The following SLC2A14 variants were observed in gnomAD, a reference collection of about 807,000 sequenced individuals.
SLC2A14 encodes solute carrier family 2 member 14, also known as solute carrier family 2, facilitated glucose transporter member 14.
In SLC2A14, 13 loss-of-function variants were observed where a neutral mutation model predicts 43.0. That is an observed-to-expected ratio of 0.30 (90% CI 0.20 to 0.48). The LOEUF (loss-of-function observed/expected upper bound fraction) is 0.48, where lower values mean the gene tolerates loss of function less well. Ranked by LOEUF, SLC2A14 falls within the 20% of genes least tolerant of loss-of-function variation. SLC2A14 has a pLI of 0.99. For synonymous variants in SLC2A14, 190 were observed against 233.8 expected (o/e 0.81, Z 1.71); for missense variants, 428 against 620.4 (o/e 0.69, Z 3.29).
intron 2 of SLC2A14, among the ~76,000 whole-genome samples, chr12:7,855,477 C>T (rs1867282843): frequency 6.6e-6 from 1 of 151,790 alleles, no homozygotes; most frequent in Non-Finnish European, 1.5e-5. Context: ...CCTTGCTCCC[C>T]AAATGGCTGT....
intron 1 of SLC2A14, among the ~76,000 whole-genome samples, chr12:7,882,096 G>A (rs1945587914): frequency 6.6e-6 from 1 of 152,030 alleles, no homozygotes; most frequent in Admixed American, 6.6e-5. Context: ...TGGAGGCTTT[G>A]TTCTTTTTTT....
At chr12:7,886,412 G>A (rs1453163403) in intron 1 of SLC2A14, among the ~76,000 whole-genome samples, 1 of 150,476 alleles carries the variant, frequency 6.6e-6, no homozygotes, top group East Asian at 1.9e-4. Flanking sequence ...TTTCTTTGTT[G>A]CCCAGGCTGG....
At chr12:7,854,097 AT>A (rs1867156326) in intron 2 of SLC2A14, among the ~76,000 whole-genome samples, 1 of 152,094 alleles carries the variant, frequency 6.6e-6, no homozygotes, top group Non-Finnish European at 1.5e-5. Flanking sequence ...CTGAGAAGTG[AT>A]TAGAGTCATA....
chr12:7,828,686 A>G lies in SLC2A14; in HGVS notation c.676+18T>C, dbSNP rs779865048. 6.2e-7 allele frequency: 1 copy of G among 1,612,680 alleles called. No homozygotes were observed. Among genetic ancestry groups the G allele is most frequent in the African/African-American group, 1.3e-5 (1 of 74,900 alleles). On this transcript the variant is annotated intron_variant, in intron 6 of 10. Coordinates refer to ENST00000431042, the MANE Select transcript of SLC2A14 (RefSeq NM_001286234.2). ...CACAACCATATACTTTGTATACTAA[A>G]GAGTGAAAGATACTCACTCCGCGTA...
intron 2 of SLC2A14, among the ~76,000 whole-genome samples, chr12:7,834,443 CT>C (rs35940282): frequency 0.025 from 3,763 of 151,496 alleles, 81 homozygotes; most frequent in Non-Finnish European, 0.04. Context: ...AATCCCAGCC[CT>C]TTGGGAGGTC....
chr12:7,871,285 TG>T, intron 1 of SLC2A14: 1 of 1,147,574 alleles, frequency 8.7e-7, no homozygotes, highest in Non-Finnish European at 1.1e-6. Flanking sequence ...TGAGATGTAC[TG>T]GGAGGCACCC....
chr12:7,867,280 C>CAA (rs755003596), intron 2 of SLC2A14, among the ~76,000 whole-genome samples: 37 of 71,172 alleles, frequency 5.2e-4, no homozygotes, highest in Admixed American at 8.4e-4. Context: ...GACTCCGTCT[C>CAA]AAAAAAAAAA....
intron 1 of SLC2A14, among the ~76,000 whole-genome samples, chr12:7,882,556 T>A (rs978536698): frequency 6.6e-6 from 1 of 151,950 alleles, no homozygotes; most frequent in African/African-American, 2.4e-5. Flanking sequence ...GAGGCTAGCG[T>A]CGGCAGTGGC....
intron 7 of SLC2A14, among the ~76,000 whole-genome samples, chr12:7,825,257 TCAA>T (rs879814855): frequency 0.015 from 2,086 of 135,340 alleles, 60 homozygotes; most frequent in Middle Eastern, 0.055. Context: ...AGCCAGGAGT[TCAA>T]GACCAGACTG....
At chr12:7,851,228 G>A (rs527675360) in intron 2 of SLC2A14, among the ~76,000 whole-genome samples, 6 of 152,144 alleles carry the variant, frequency 3.9e-5, no homozygotes, top group Non-Finnish European at 8.8e-5. Context: ...CTAGAAGGTG[G>A]TCTTATGGCT....
chr12:7,865,753 TC>T (rs1420579763), intron 2 of SLC2A14, among the ~76,000 whole-genome samples: 4 of 151,964 alleles, frequency 2.6e-5, no homozygotes, highest in Non-Finnish European at 4.4e-5. Context: ...GTCAAACATA[TC>T]TCACTTTAAA....
At chr12:7,820,397 T>C (rs1453780067) in intron 8 of SLC2A14, among the ~76,000 whole-genome samples, 1 of 152,124 alleles carries the variant, frequency 6.6e-6, no homozygotes, top group Non-Finnish European at 1.5e-5. Context: ...GAAGCACAGG[T>C]AAAACAACCT....
chr12:7,846,727 G>T (rs1437515957), intron 2 of SLC2A14, among the ~76,000 whole-genome samples: 1 of 131,506 alleles, frequency 7.6e-6, no homozygotes, highest in Non-Finnish European at 1.7e-5. Context: ...TGCCTCCTGG[G>T]TTCAAGCGAT....
At chr12:7,870,856 T>C in intron 1 of SLC2A14, 1 of 1,282,862 alleles carries the variant, frequency 7.8e-7, no homozygotes. Flanking sequence ...GCCAAAATGT[T>C]CAGCAAGTGG....
At chr12:7,862,764 T>C (rs999731194) in intron 2 of SLC2A14, among the ~76,000 whole-genome samples, 1 of 152,134 alleles carries the variant, frequency 6.6e-6, no homozygotes, top group Non-Finnish European at 1.5e-5. Context: ...CACCCTGTGT[T>C]TAGCTCAAGG....
intron 2 of SLC2A14, among the ~76,000 whole-genome samples, chr12:7,833,247 G>C (rs189871134): frequency 3.3e-5 from 5 of 152,122 alleles, no homozygotes; most frequent in Admixed American, 1.3e-4. Context: ...CAGACTCCAC[G>C]GAAGCCCAGT....
rs181743100 is a variant in SLC2A14 at position 7,821,587 on chromosome 12, C to G, written c.865-262G>C. On this transcript the variant is annotated intron_variant, in intron 7 of 10. Coordinates refer to ENST00000431042, the MANE Select transcript of SLC2A14 (RefSeq NM_001286234.2). ...AGTCCCAGCTACTTGGGAGGCCAGA[C>G]AGAACAAGACTCTGTCACCATAAAA... Among the ~76,000 whole-genome samples the G allele has an allele frequency of 4.4e-3, 672 of 152,168 alleles. 3 individuals are homozygous for G. Among genetic ancestry groups the G allele is most frequent in the Non-Finnish European group, 5.6e-3 (378 of 68,004 alleles).
At chr12:7,875,300 G>T (rs1945444579), upstream of SLC2A14, among the ~76,000 whole-genome samples, 1 of 146,186 alleles carries the variant, frequency 6.8e-6, no homozygotes, top group African/African-American at 2.5e-5. Context: ...CTGAGGCTAG[G>T]AGTTCAAGGC....
At chr12:7,883,216 CAAT>C (rs1335648722) in intron 1 of SLC2A14, among the ~76,000 whole-genome samples, 1 of 150,054 alleles carries the variant, frequency 6.7e-6, no homozygotes, top group African/African-American at 2.4e-5. Flanking sequence ...TCTCAAAAAA[CAAT>C]CCAAAACCAA....
Sources: allele counts gnomAD v4.1 joint callset (sites outside exome capture counted in the v4.1 genomes callset), GRCh38; gene constraint gnomAD v4.1.1; transcripts MANE v1.5; gene names NCBI Gene and HGNC (gene_info 2026-07-23, HGNC 2026-07-21).